The following GPC5 variants were observed in gnomAD, a reference collection of about 807,000 sequenced individuals.
GPC5 encodes glypican-5.
Under a neutral mutation model 53.9 loss-of-function variants are expected in GPC5, and 47 were observed. The ratio of observed to expected loss-of-function variants is 0.87; its 90% CI spans 0.69 to 1.11. The LOEUF (loss-of-function observed/expected upper bound fraction) is 1.11. GPC5 is among the 50% of genes most tolerant of loss of function. GPC5 has a pLI of 0.00. For missense variants in GPC5, 748 were observed against 713.1 expected, an observed-to-expected ratio of 1.05 and a Z score of -0.56; for synonymous variants, 286 against 263.3, an observed-to-expected ratio of 1.09 and a Z score of -0.84.
At position 92,290,566 on chromosome 13, in the gene GPC5, T is replaced by C. The variant is rs991327032; in HGVS notation, c.1561+145577T>C. Reference sequence around the variant, plus strand: ...ATCTTCATAGCTTAGCTCCCACTTATGAGGGAGAACATAGGATGTTTGGTT... The same window carrying C: ...ATCTTCATAGCTTAGCTCCCACTTACGAGGGAGAACATAGGATGTTTGGTT... On this transcript the variant is annotated intron_variant, in intron 7 of 7. Coordinates refer to ENST00000377067, the MANE Select transcript of GPC5 (RefSeq NM_004466.6). Among the ~76,000 whole-genome samples, 3 of 152,204 alleles carry C rather than the reference T, an allele frequency of 2.0e-5. 1 individual carries two copies. Among genetic ancestry groups the C allele is most frequent in the South Asian group, 4.1e-4 (2 of 4,836 alleles).
chr13:91,843,411 A>G (rs1304935579), intron 5 of GPC5, among the ~76,000 whole-genome samples: 1 of 152,222 alleles, frequency 6.6e-6, no homozygotes, highest in Admixed American at 6.5e-5. Context: ...GATCAGGGAC[A>G]CTACAGGAAG....
chr13:92,816,648 ACT>A (rs905093205), intron 7 of GPC5, among the ~76,000 whole-genome samples: 15 of 151,978 alleles, frequency 9.9e-5, no homozygotes, highest in South Asian at 8.3e-4. Context: ...AAAACTAGAA[ACT>A]CTCTGAAAAT....
At chr13:92,660,466 AATAT>A (rs1238299952) in intron 7 of GPC5, among the ~76,000 whole-genome samples, 2 of 150,824 alleles carry the variant, frequency 1.3e-5, no homozygotes, top group Non-Finnish European at 2.9e-5. Flanking sequence ...TATATATATA[AATAT>A]ATACACACAT....
chr13:91,495,890 G>T (rs1400792783), intron 2 of GPC5, among the ~76,000 whole-genome samples: 1 of 152,246 alleles, frequency 6.6e-6, no homozygotes, highest in Admixed American at 6.5e-5. Flanking sequence ...GGGCGTGGTG[G>T]CGGGTGCCTG....
At chr13:92,807,771 A>G (rs1023493936) in intron 7 of GPC5, among the ~76,000 whole-genome samples, 7 of 152,094 alleles carry the variant, frequency 4.6e-5, no homozygotes, top group African/African-American at 1.7e-4. Context: ...TAGTAACACA[A>G]TTTTTAAAAG....
chr13:92,167,581 AAAC>A (rs2042040953), intron 7 of GPC5, among the ~76,000 whole-genome samples: 1 of 152,218 alleles, frequency 6.6e-6, no homozygotes, highest in Non-Finnish European at 1.5e-5. Context: ...GTTTTAAAAG[AAAC>A]AACAGGAATT....
intron 6 of GPC5, chr13:91,996,456 A>T (rs2040504691): frequency 6.6e-6 from 1 of 152,274 alleles, no homozygotes; most frequent in Admixed American, 6.5e-5. Flanking sequence ...TAGTCATCAG[A>T]TATAGTAGAA....
chr13:92,580,312 C>G (rs1480597690), intron 7 of GPC5, among the ~76,000 whole-genome samples: 1 of 152,136 alleles, frequency 6.6e-6, no homozygotes, highest in East Asian at 1.9e-4. Context: ...AATAATTATT[C>G]ATTGTAGGAA....
At chr13:92,831,317 T>G (rs1182466442) in intron 7 of GPC5, among the ~76,000 whole-genome samples, 2 of 152,172 alleles carry the variant, frequency 1.3e-5, no homozygotes, top group Non-Finnish European at 2.9e-5. Context: ...ATTTAAATTT[T>G]TTTATACTTG....
At position 91,410,556 on chromosome 13, in the gene GPC5, C is replaced by T. The variant is rs377701937; in HGVS notation, c.163+11347C>T. On this transcript the variant is annotated intron_variant, in intron 1 of 7. Transcript: ENST00000377067. The stretch of plus-strand genomic sequence containing the variant: ...AGAGACGGGGTTTCACTGTGTTAGC[C>T]AGGATGGTCTCGATCTCCTGACCTC... Among the ~76,000 whole-genome samples, 898 of 151,636 alleles carry T rather than the reference C, an allele frequency of 5.9e-3. 2 individuals are homozygous for T. Among genetic ancestry groups the T allele is most frequent in the Admixed American group, 0.01 (155 of 15,258 alleles).
chr13:91,740,693 A>G (rs1243472539), intron 4 of GPC5, among the ~76,000 whole-genome samples: 1 of 152,206 alleles, frequency 6.6e-6, no homozygotes, highest in African/African-American at 2.4e-5. Context: ...TTAAACAGCC[A>G]GCAAAGCATC....
rs71113766 is a variant in GPC5 at position 91,813,920 on chromosome 13, A to ATTT, written c.1280+57528_1280+57530dup. On this transcript the variant is annotated intron_variant, in intron 5 of 7. Transcript: ENST00000377067. ...TTAGACTGTTGGATTATCTTAACTGATTTTTTTTTTTTTTTTTTTTTTTTT... is the reference window on the plus strand; with the variant it reads ...TTAGACTGTTGGATTATCTTAACTGATTTTTTTTTTTTTTTTTTTTTTTTTTTT... Among the ~76,000 whole-genome samples the ATTT allele has an allele frequency of 3.9e-4, 28 of 72,642 alleles. 1 individual carries two copies. Among genetic ancestry groups the ATTT allele is most frequent in the African/African-American group, 4.7e-4 (8 of 16,910 alleles). The allele number at this position is 72,642 out of a possible 152,430, so 47.7% of individuals were successfully genotyped here. A position where few individuals can be genotyped will look rare whatever the true frequency, so the allele number is the denominator to read the frequency against.
rs528892848 is a variant in GPC5, at chr13:92,621,916, A to T, written c.1562-244366A>T. ...AATCAGGTCCAAGTCCCTACATATT[A>T]CTCAACTACAACAACAAAAACAACA... On this transcript the variant is annotated intron_variant, in intron 7 of 7. Coordinates refer to ENST00000377067, the MANE Select transcript of GPC5 (RefSeq NM_004466.6). Among the ~76,000 whole-genome samples the T allele has an allele frequency of 2.0e-5, 3 of 152,188 alleles. No homozygotes were observed. In the East Asian group the frequency reaches 5.8e-4, roughly 29 times the overall value.
intron 5 of GPC5, among the ~76,000 whole-genome samples, chr13:91,758,879 A>T (rs920051982): frequency 1.3e-5 from 2 of 152,106 alleles, no homozygotes; most frequent in Admixed American, 6.6e-5. Context: ...ACCTTAATGG[A>T]CATTTTCCCT....
chr13:92,061,084 A>T (rs761985863), intron 6 of GPC5, among the ~76,000 whole-genome samples: 1 of 108,292 alleles, frequency 9.2e-6, no homozygotes, highest in Non-Finnish European at 2.0e-5. Flanking sequence ...CCTCTTTGTA[A>T]CCTGGGTGCT....
At chr13:92,290,525 AT>A (rs1438662051) in intron 7 of GPC5, among the ~76,000 whole-genome samples, 1 of 152,024 alleles carries the variant, frequency 6.6e-6, no homozygotes, top group African/African-American at 2.4e-5. Context: ...CCACTGTGTC[AT>A]TCTTATGTCA....
intron 7 of GPC5, among the ~76,000 whole-genome samples, chr13:92,670,060 G>C (rs1433634351): frequency 1.3e-5 from 2 of 152,076 alleles, no homozygotes; most frequent in East Asian, 3.9e-4. Context: ...GCTCACTACG[G>C]ATTTCCAGCG....
intron 6 of GPC5, among the ~76,000 whole-genome samples, chr13:91,942,701 T>C (rs372233969): frequency 1.3e-5 from 2 of 152,114 alleles, no homozygotes; most frequent in South Asian, 2.1e-4. Flanking sequence ...CACTGAAAAC[T>C]TTCATCATTA....
intron 6 of GPC5, among the ~76,000 whole-genome samples, chr13:92,058,578 AT>A (rs2041095195): frequency 1.3e-5 from 2 of 152,104 alleles, no homozygotes; most frequent in South Asian, 4.2e-4. Flanking sequence ...TTATTTATTT[AT>A]TTTTTTGAGA....
Sources: gnomAD v4.1 joint callset for allele counts (sites outside exome capture counted in the v4.1 genomes callset) on GRCh38, gnomAD v4.1.1 for gene constraint, MANE v1.5 for transcripts, NCBI Gene and HGNC (gene_info 2026-07-23, HGNC 2026-07-21) for gene names.